Variants in RIPK1 observed in about 807,000 individuals in gnomAD.
The protein encoded by RIPK1 is receptor-interacting serine/threonine-protein kinase 1.
Under a neutral mutation model 62.4 loss-of-function variants are expected in RIPK1, and 27 were observed. The ratio of observed to expected loss-of-function variants is 0.43; its 90% CI spans 0.32 to 0.60. The LOEUF is 0.60. Among genes scored for constraint, RIPK1 ranks in the 20% least tolerant of loss-of-function variants. The pLI, the probability that RIPK1 is intolerant of heterozygous loss-of-function variation, is 0.07. For synonymous variants in RIPK1, 287 were observed against 303.2 expected (o/e 0.95, Z 0.55); for missense variants, 735 against 831.0 (o/e 0.88, Z 1.42).
chr6:3,083,870 G>A (rs1262888131), intron 5 of RIPK1, among the ~76,000 whole-genome samples: 1 of 152,038 alleles, frequency 6.6e-6, no homozygotes, highest in East Asian at 1.9e-4. Flanking sequence ...TCCATCGCAG[G>A]TACCAGAGGA....
chr6:3,095,017 C>A (rs1038033468), intron 7 of RIPK1, among the ~76,000 whole-genome samples: 5 of 151,822 alleles, frequency 3.3e-5, no homozygotes, highest in Non-Finnish European at 7.4e-5. Context: ...ATGATCATGC[C>A]GCTGCACTCC....
intron 5 of RIPK1, among the ~76,000 whole-genome samples, chr6:3,084,533 A>G (rs1376021510): frequency 6.6e-6 from 1 of 151,424 alleles, no homozygotes; most frequent in Non-Finnish European, 1.5e-5. Context: ...TCTGGACTCA[A>G]CAAAGCCTTC....
chr6:3,105,369 G>C lies in RIPK1; in HGVS notation c.1007-113G>C. 1.2e-6 allele frequency: 1 copy of C among 812,616 alleles called. No homozygotes were observed. 50.3% of individuals were successfully genotyped at this position (812,616 alleles called of 1,614,324 possible). On this transcript the variant is annotated intron_variant, in intron 8 of 10. Coordinates refer to ENST00000259808, the MANE Select transcript of RIPK1 (RefSeq NM_001354930.2). The surrounding 1 kb of genome is among the most constrained non-coding windows in gnomAD (Gnocchi z 4.5). ...CTCCTAAATGCTTTGGACTGGTCTC[G>C]TACTTGTTTTCTGTGTGTTACTTTG...
At chr6:3,070,200 T>G (rs1758637812) in intron 1 of RIPK1, among the ~76,000 whole-genome samples, 2 of 152,290 alleles carry the variant, frequency 1.3e-5, no homozygotes, top group South Asian at 4.1e-4. Flanking sequence ...TTGTACTTTC[T>G]GGAATGTGAA....
intron 1 of RIPK1, among the ~76,000 whole-genome samples, chr6:3,070,205 T>C (rs185708817): frequency 2.0e-5 from 3 of 152,312 alleles, no homozygotes; most frequent in Non-Finnish European, 4.4e-5. Flanking sequence ...CTTTCTGGAA[T>C]GTGAATATTA....
rs753837303 is a variant in RIPK1 at position 3,085,308 on chromosome 6, G to A, written c.738G>A (p.Arg246=). ...TAATGTGCATAAAATCTGGGAACAG[G>A]CCAGATGTGGATGACATCACTGAGT... is the stretch of plus-strand genomic sequence containing the variant. The part of the protein sequence containing the change: ...QLIMCIKSGN[R]PDVDDITEYC... Residue 246 remains arginine (R), a synonymous_variant, in exon 6 of 11, where the codon AGG becomes AGA. Transcript: ENST00000259808. The A allele has an allele frequency of 5.6e-6, 9 of 1,614,146 alleles. 1 individual carries two copies. The South Asian group carries it at 8.8e-5, about 16-fold the overall frequency.
rs138054420 is a variant in RIPK1 at position 3,072,608 on chromosome 6, C to G, written c.-61+3947C>G. Among the ~76,000 whole-genome samples the G allele has an allele frequency of 6.6e-6, 1 of 152,046 alleles. No individual in the cohort carries two copies. Among genetic ancestry groups the G allele is most frequent in the African/African-American group, 2.4e-5 (1 of 41,380 alleles). ...CCGGCATACGTTGGGTTCTGCTAGG[C>G]TCTGGAGATGGTGCACAAGACAAGT... On this transcript the variant is annotated intron_variant, in intron 1 of 10. Coordinates refer to ENST00000259808, the MANE Select transcript of RIPK1 (RefSeq NM_001354930.2). This position sits in a 1 kb window ranked among gnomAD's most constrained non-coding sequence, Gnocchi z 5.6.
At chr6:3,112,719 G>T (rs1339837304) in intron 10 of RIPK1, among the ~76,000 whole-genome samples, 1 of 151,934 alleles carries the variant, frequency 6.6e-6, no homozygotes, top group Non-Finnish European at 1.5e-5. Context: ...TTTTTTTTTG[G>T]TAGAGACAGG....
Position 3,072,798 on chromosome 6 carries a change from G to A in RIPK1, c.-60-3966G>A, listed in dbSNP as rs913509948. Among the ~76,000 whole-genome samples the A allele has an allele frequency of 1.4e-4, 21 of 152,196 alleles. No homozygotes were observed. The highest frequency in any genetic ancestry group is 2.6e-4 in the Non-Finnish European group (18 of 68,036). On this transcript the variant is annotated intron_variant, in intron 1 of 10. Transcript: ENST00000259808. This position sits in a 1 kb window ranked among gnomAD's most constrained non-coding sequence, Gnocchi z 5.6. ...GGAAGAATATGGCCTAAGAGGGTGG[G>A]GCGGATGACCCTTATGGAATGGGGA...
At chr6:3,104,750 T>C (rs1376731696) in intron 8 of RIPK1, among the ~76,000 whole-genome samples, 2 of 152,176 alleles carry the variant, frequency 1.3e-5, no homozygotes, top group Non-Finnish European at 2.9e-5. Context: ...CTGTGGCTAA[T>C]TACTTAACCT....
In RIPK1 at chr6:3,072,498, A is replaced by G. The variant is rs1414081806; in HGVS notation, c.-61+3837A>G. The stretch of plus-strand genomic sequence containing the variant: ...TAATATTCTGTTAGGAGTGTGCCGT[A>G]ATTCATTTAACAATATTTTTATTTT... On this transcript the variant is annotated intron_variant, in intron 1 of 10. Coordinates refer to ENST00000259808, the MANE Select transcript of RIPK1 (RefSeq NM_001354930.2). The surrounding 1 kb of genome is among the most constrained non-coding windows in gnomAD (Gnocchi z 5.6). Among the ~76,000 whole-genome samples, 4 of 152,188 alleles carry G rather than the reference A, an allele frequency of 2.6e-5. No individual in the cohort carries two copies. Among genetic ancestry groups the G allele is most frequent in the Non-Finnish European group, 4.4e-5 (3 of 68,042 alleles).
chr6:3,077,024 A>G, intron 2 of RIPK1, 37 bp downstream of exon 2: 2 of 1,518,700 alleles, frequency 1.3e-6, no homozygotes, highest in Non-Finnish European at 1.8e-6. Flanking sequence ...CTAAGTTCTG[A>G]GCGGGATGGG....
At position 3,081,046 on chromosome 6, in the gene RIPK1, A is replaced by C. The variant is rs1353551966; in HGVS notation, c.389A>C (p.His130Pro). Residue 130 changes from histidine (H) to proline (P), a missense_variant, in exon 4 of 11, where the codon CAT becomes CCT. By Grantham distance (77) the His-to-Pro change is moderately conservative. Around this residue, in one of 2 missense-constraint regions of RIPK1, gnomAD observed 671 missense variants for 726.2 expected, o/e 0.92. Transcript: ENST00000259808. The stretch of plus-strand genomic sequence containing the variant: ...ATCATTGAAGGAATGTGCTACTTAC[A>C]TGGAAAAGGCGTGATACACAAGGAC... Reference protein sequence around the residue: ...LEIIEGMCYLHGKGVIHKDLK... With the variant: ...LEIIEGMCYLPGKGVIHKDLK... 2 of 1,614,182 alleles carry C rather than the reference A, an allele frequency of 1.2e-6. No individual in the cohort carries two copies. Among genetic ancestry groups the C allele is most frequent in the Non-Finnish European group, 8.5e-7 (1 of 1,180,000 alleles).
chr6:3,097,755 A>G (rs557300794), intron 7 of RIPK1, among the ~76,000 whole-genome samples: 3 of 152,324 alleles, frequency 2.0e-5, no homozygotes, highest in Admixed American at 1.3e-4. Flanking sequence ...AAAATTTTAA[A>G]TGAATGTTTA....
chr6:3,075,819 A>G (rs1759018698), intron 1 of RIPK1, among the ~76,000 whole-genome samples: 1 of 145,890 alleles, frequency 6.9e-6, no homozygotes, highest in African/African-American at 2.5e-5. Flanking sequence ...GACAGGCCCA[A>G]GGTTATAAAT....
intron 7 of RIPK1, among the ~76,000 whole-genome samples, chr6:3,096,050 T>C (rs1760275075): frequency 2.0e-5 from 3 of 152,194 alleles, no homozygotes. Context: ...TTGCCCAGGC[T>C]GGTCTCAAAC....
Position 3,079,484 on chromosome 6 carries a change from G to A in RIPK1, c.322-1495G>A, listed in dbSNP as rs1439959693. ...CTTCCAATGTGAAGGACATGTAGAC[G>A]TTTTGAAGCAGAGAATTAGAGAACA... On this transcript the variant is annotated intron_variant, in intron 3 of 10. Coordinates refer to ENST00000259808, the MANE Select transcript of RIPK1 (RefSeq NM_001354930.2). Among the ~76,000 whole-genome samples the A allele has an allele frequency of 3.9e-5, 6 of 152,326 alleles. No individual in the cohort carries two copies. In the South Asian group the frequency reaches 6.2e-4, roughly 16 times the overall value.
intron 1 of RIPK1, 59 bp downstream of exon 1, chr6:3,068,720 G>T: frequency 1.0e-6 from 1 of 964,646 alleles, no homozygotes; most frequent in South Asian, 4.8e-5. Flanking sequence ...CAGTCCCGGT[G>T]ACCCCCCTGG....
At chr6:3,068,093 T>C (rs1758464913), upstream of RIPK1, 2 of 408,568 alleles carry the variant, frequency 4.9e-6, no homozygotes, top group African/African-American at 4.3e-5. Flanking sequence ...ATGAATAGCA[T>C]GCAGTTCCAA....
Sources: gnomAD v4.1 joint callset for allele counts (sites outside exome capture counted in the v4.1 genomes callset) on GRCh38, gnomAD v4.1.1 for gene constraint, gnomAD v4.1.1 regional missense constraint, Gnocchi (gnomAD v3.1) non-coding constraint, MANE v1.5 for transcripts, NCBI Gene and HGNC (gene_info 2026-07-23, HGNC 2026-07-21) for gene names.